The following COPA variants were observed in gnomAD, a reference collection of about 807,000 sequenced individuals.
COPA encodes the protein coatomer subunit alpha.
COPA carries 10 observed loss-of-function variants against 158.7 expected under a neutral mutation model. That is an observed-to-expected ratio of 0.06 (90% CI 0.04 to 0.11). The LOEUF (loss-of-function observed/expected upper bound fraction) is 0.11, where lower values mean the gene tolerates loss of function less well. COPA is among the 10% of genes least tolerant of loss of function. COPA has a pLI of 1.00. For missense variants in COPA, 1,065 were observed against 1,536.7 expected (o/e 0.69, Z 5.13); for synonymous variants, 462 against 542.8 (o/e 0.85, Z 2.07).
In COPA at chr1:160,325,609, A is replaced by G. The variant is rs1312262114; in HGVS notation, c.540T>C (p.Asp180=). 1 of 1,614,174 alleles carries G rather than the reference A, an allele frequency of 6.2e-7. No homozygotes were observed. The highest frequency in any genetic ancestry group is 8.5e-7 in the Non-Finnish European group (1 of 1,180,026). ...KNLSPGAVES[D]VRGITGVDLF... ...GATCAACCCCAGTTATTCCTCTCACATCCGATTCCACCGCACCAGGGGACA... is the reference window on the plus strand; with the variant it reads ...GATCAACCCCAGTTATTCCTCTCACGTCCGATTCCACCGCACCAGGGGACA... Residue 180 remains aspartate, a synonymous_variant, in exon 7 of 33, where the codon GAT becomes GAC. Coordinates refer to ENST00000241704, the MANE Select transcript of COPA (RefSeq NM_004371.4).
chr1:160,294,456 A>C (rs754293663), intron 25 of COPA, 28 bp downstream of exon 25: 31 of 1,596,814 alleles, frequency 1.9e-5, no homozygotes, highest in Admixed American at 5.0e-5. Context: ...TACGGAGAGA[A>C]CCTTCTAAGG....
chr1:160,327,457 A>G (rs1245558082), intron 6 of COPA, among the ~76,000 whole-genome samples: 1 of 135,580 alleles, frequency 7.4e-6, no homozygotes, highest in Non-Finnish European at 1.6e-5. Flanking sequence ...GAATTGCTTG[A>G]ACCCGGGGGG....
intron 14 of COPA, 75 bp from the exon 15 acceptor site, chr1:160,306,568 A>G: frequency 6.3e-7 from 1 of 1,575,546 alleles, no homozygotes; most frequent in Non-Finnish European, 8.7e-7. Flanking sequence ...GATGTTCCTC[A>G]GCAATTGTTC....
rs764070375 is a variant in COPA at position 160,340,339 on chromosome 1, G to A, written c.41-45C>T. On this transcript the variant is annotated intron_variant, in intron 1 of 32. Coordinates refer to ENST00000241704, the MANE Select transcript of COPA (RefSeq NM_004371.4). The stretch of plus-strand genomic sequence containing the variant: ...ATACAATGAGCTAACTAAGCCCCAT[G>A]ATGTCACCTTCTGTCAATTCTGATA... 59 of 1,206,208 alleles carry A rather than the reference G, an allele frequency of 4.9e-5. No individual in the cohort carries two copies. In the Admixed American group the frequency reaches 5.9e-4, roughly 12 times the overall value. 74.7% of individuals were successfully genotyped at this position (1,206,208 alleles called of 1,614,324 possible). A position where few individuals can be genotyped will look rare whatever the true frequency, so the allele number is the denominator to read the frequency against.
At chr1:160,299,719 CAG>C (rs1425695552) in intron 17 of COPA, among the ~76,000 whole-genome samples, 4 of 152,140 alleles carry the variant, frequency 2.6e-5, no homozygotes, top group African/African-American at 9.7e-5. Context: ...CAACATTTAA[CAG>C]ATAATTTACA....
intron 28 of COPA, 70 bp downstream of exon 28, chr1:160,292,414 C>T (rs1169488388): frequency 8.7e-6 from 14 of 1,605,536 alleles, no homozygotes; most frequent in Non-Finnish European, 1.1e-5. Context: ...CTGACTATGT[C>T]ACTGAGGCTA....
rs1382148734 is a variant in COPA, at chr1:160,294,503, A to T, written c.2657T>A (p.Leu886Gln). 1 of 1,614,070 alleles carries T rather than the reference A, an allele frequency of 6.2e-7. No individual in the cohort carries two copies. The highest frequency in any genetic ancestry group is 1.7e-5 in the Admixed American group (1 of 60,024). Residue 886 changes from leucine (L) to glutamine (Q), a missense_variant, in exon 25 of 33, where the codon CTG (leucine) becomes CAG (glutamine). Physicochemically the swap from Leu to Gln is moderately radical, Grantham distance 113. Transcript: ENST00000241704. ...EGGGWDVEED[L>Q]ELPPELDISP... ...ACATACCAGCTCAGGAGGGAGCTCC[A>T]GATCTTCTTCTACATCCCAGCCACC...
At chr1:160,313,255 A>AGCTGATTAAAAT in intron 9 of COPA, 88 bp from the exon 10 acceptor site, 1 of 1,191,216 alleles carries the variant, frequency 8.4e-7, no homozygotes, top group South Asian at 1.3e-5. Context: ...TAAGCCAGCA[A>AGCTGATTAAAAT]GCTGATTAAA....
At chr1:160,321,614 C>T (rs1315042165) in intron 8 of COPA, among the ~76,000 whole-genome samples, 1 of 152,042 alleles carries the variant, frequency 6.6e-6, no homozygotes, top group Non-Finnish European at 1.5e-5. Flanking sequence ...ATGGTGAAAC[C>T]TCGTCTCTAA....
At chr1:160,335,756 G>C (rs1186290808) in intron 3 of COPA, among the ~76,000 whole-genome samples, 1 of 151,740 alleles carries the variant, frequency 6.6e-6, no homozygotes, top group African/African-American at 2.4e-5. Context: ...GGTGGCATGT[G>C]CCTGTAGTCC....
rs1037587154 is a variant in COPA, at chr1:160,318,493, A to C, written c.707-4368T>G. On this transcript the variant is annotated intron_variant, in intron 8 of 32. Transcript: ENST00000241704. ...TAAAAAAAAAAAAAAAAAAAAAAAC[A>C]AAAAAAAAAAAAAAACACTAATGTG... Among the ~76,000 whole-genome samples, 37 of 40,470 alleles carry C rather than the reference A, an allele frequency of 9.1e-4. 1 individual carries two copies. Among genetic ancestry groups the C allele is most frequent in the Admixed American group, 1.9e-3 (8 of 4,280 alleles). The allele number at this position is 40,470 out of a possible 152,430, so 26.5% of individuals were successfully genotyped here.
At chr1:160,328,355 A>T (rs1370694041) in intron 6 of COPA, among the ~76,000 whole-genome samples, 3 of 152,234 alleles carry the variant, frequency 2.0e-5, no homozygotes, top group Non-Finnish European at 4.4e-5. Flanking sequence ...ATTTGCGTGT[A>T]ATGATCCGGG....
At position 160,332,444 on chromosome 1, in the gene COPA, T is replaced by C. The variant is rs774210443; in HGVS notation, c.496+4A>G. 6.2e-7 allele frequency: 1 copy of C among 1,603,922 alleles called. No homozygotes were observed. Among genetic ancestry groups the C allele is most frequent in the Non-Finnish European group, 8.5e-7 (1 of 1,176,026 alleles). On this transcript the variant is annotated splice_donor_region_variant and intron_variant, in intron 6 of 32. Transcript: ENST00000241704. Reference sequence around the variant, plus strand: ...AGGTTGTCCTCTGAACTTGGGCAGCTCACCAGAAATATCCCAAACGCGCAC... The same window carrying C: ...AGGTTGTCCTCTGAACTTGGGCAGCCCACCAGAAATATCCCAAACGCGCAC...
At chr1:160,328,535 G>T (rs1647360808) in intron 6 of COPA, among the ~76,000 whole-genome samples, 1 of 152,120 alleles carries the variant, frequency 6.6e-6, no homozygotes, top group Non-Finnish European at 1.5e-5. Flanking sequence ...CTCTCAGAAT[G>T]GACCAGTTTG....
At chr1:160,323,896 C>G (rs1410041436) in intron 7 of COPA, among the ~76,000 whole-genome samples, 1 of 152,184 alleles carries the variant, frequency 6.6e-6, no homozygotes, top group Non-Finnish European at 1.5e-5. Context: ...GAGTCTCGCT[C>G]TGTCACCCAG....
At chr1:160,295,574 C>G (rs1658371179) in intron 23 of COPA, among the ~76,000 whole-genome samples, 162 bp downstream of exon 23, 1 of 152,068 alleles carries the variant, frequency 6.6e-6, no homozygotes, top group Admixed American at 6.5e-5. Flanking sequence ...AAAATGCTAT[C>G]TTAAGTTTTT....
At chr1:160,306,230 G>T in intron 15 of COPA, 124 bp downstream of exon 15, 1 of 1,076,842 alleles carries the variant, frequency 9.3e-7, no homozygotes. Flanking sequence ...ACTATAAAGA[G>T]TCTTGGAGCA....
At chr1:160,317,525 C>G (rs1659187954) in intron 8 of COPA, 24 of 1,608,246 alleles carry the variant, frequency 1.5e-5, no homozygotes, top group Non-Finnish European at 2.0e-5. Flanking sequence ...AAAATGACAA[C>G]ACATCTCAAG....
At chr1:160,296,329 C>A (rs1658411123) in intron 21 of COPA, among the ~76,000 whole-genome samples, 180 bp from the exon 22 acceptor site, 1 of 152,198 alleles carries the variant, frequency 6.6e-6, no homozygotes, top group Non-Finnish European at 1.5e-5. Context: ...TGGAACATGG[C>A]AGATGTGATG....
Sources: allele counts gnomAD v4.1 joint callset (sites outside exome capture counted in the v4.1 genomes callset), GRCh38; gene constraint gnomAD v4.1.1; transcripts MANE v1.5; gene names NCBI Gene and HGNC (gene_info 2026-07-23, HGNC 2026-07-21).